The following USP28 variants were observed in gnomAD, a reference collection of about 807,000 sequenced individuals.
USP28 encodes ubiquitin specific peptidase 28, also known as ubiquitin carboxyl-terminal hydrolase 28.
In USP28, 113 loss-of-function variants were observed where a neutral mutation model predicts 145.0. The observed-to-expected ratio is 0.78, with a 90% confidence interval of 0.67 to 0.91. The LOEUF (loss-of-function observed/expected upper bound fraction) is 0.91. Among genes scored for constraint, USP28 ranks in the 40% least tolerant of loss-of-function variants. The pLI is 0.00. For missense variants in USP28, 1,201 were observed against 1,289.6 expected (o/e 0.93, Z 1.05); for synonymous variants, 447 against 450.9 (o/e 0.99, Z 0.11).
intron 11 of USP28, 81 bp downstream of exon 11, chr11:113,827,152 C>A: frequency 6.7e-7 from 1 of 1,492,594 alleles, no homozygotes; most frequent in Non-Finnish European, 9.0e-7. Context: ...CCAGGTGATT[C>A]CTACGCACAC....
chr11:113,831,822 C>A (rs1379937879), intron 8 of USP28, 98 bp downstream of exon 8: 2 of 1,200,410 alleles, frequency 1.7e-6, no homozygotes, highest in Non-Finnish European at 2.4e-6. Context: ...TGGTTAAAAA[C>A]CAGCAATTTC....
chr11:113,829,244 C>T lies in USP28; in HGVS notation c.1012G>A (p.Asp338Asn), dbSNP rs764971745. 19 of 1,614,060 alleles carry T rather than the reference C, an allele frequency of 1.2e-5. No individual in the cohort carries two copies. The highest frequency in any genetic ancestry group is 1.4e-5 in the Non-Finnish European group (17 of 1,180,022). ...TGATCGGAGGGAAGAAGCTCAACAT[C>T]ACCCTCCACCATGGCCCCTTCCAAA... is the stretch of plus-strand genomic sequence containing the variant. The change falls in exon 10 of 25, where the codon GAT (aspartate) becomes AAT (asparagine). Residue 338 changes from aspartate to asparagine, a missense_variant. Physicochemically the swap from Asp to Asn is conservative, Grantham distance 23. Transcript: ENST00000003302.
chr11:113,828,567 G>T (rs1943634438), intron 10 of USP28, among the ~76,000 whole-genome samples: 1 of 152,126 alleles, frequency 6.6e-6, no homozygotes, highest in Non-Finnish European at 1.5e-5. Flanking sequence ...ATAAGCCACA[G>T]TTTTGTCTCA....
intron 7 of USP28, 40 bp downstream of exon 7, chr11:113,833,380 A>T (rs1246267151): frequency 2.5e-6 from 4 of 1,602,880 alleles, no homozygotes; most frequent in Middle Eastern, 1.7e-4. Flanking sequence ...AACACTGACA[A>T]GGCATGACTT....
intron 1 of USP28, among the ~76,000 whole-genome samples, chr11:113,870,821 C>T (rs996241441): frequency 5.9e-5 from 9 of 152,166 alleles, no homozygotes; most frequent in Non-Finnish European, 1.2e-4. Context: ...AGTCTGAATA[C>T]ATTGTCACTG....
intron 1 of USP28, among the ~76,000 whole-genome samples, chr11:113,873,923 A>ACCTTAAGTCGGGAG: frequency 6.6e-6 from 1 of 150,878 alleles, no homozygotes; most frequent in East Asian, 2.0e-4. Context: ...CGGGCGGATC[A>ACCTTAAGTCGGGAG]TGAGGTCAAG....
chr11:113,840,646 A>T (rs1591359157), exon 5 of USP28: 1 of 1,614,196 alleles, frequency 6.2e-7, no homozygotes, highest in East Asian at 2.2e-5. Flanking sequence ...TTTTCAGCCC[A>T]ACTGGCCAAC....
At chr11:113,854,903 T>C (rs1201688673) in intron 1 of USP28, among the ~76,000 whole-genome samples, 2 of 152,240 alleles carry the variant, frequency 1.3e-5, no homozygotes, top group African/African-American at 4.8e-5. Context: ...TAATGGACAC[T>C]TAAAAGTTCT....
chr11:113,832,430 G>A (rs1398009801), intron 7 of USP28, among the ~76,000 whole-genome samples: 1 of 152,094 alleles, frequency 6.6e-6, no homozygotes, highest in African/African-American at 2.4e-5. Flanking sequence ...ATTTTTGGGG[G>A]CTGAATATCA....
chr11:113,860,818 C>CG (rs747037786), intron 1 of USP28, among the ~76,000 whole-genome samples: 77 of 138,772 alleles, frequency 5.5e-4, no homozygotes, highest in Admixed American at 2.6e-3. Context: ...GACTGTGTCT[C>CG]GAAAAAAAAA....
In USP28 at chr11:113,852,180, C is replaced by G. The variant is rs1463184509; in HGVS notation, c.268+321G>C. On this transcript the variant is annotated intron_variant, in intron 3 of 24. Transcript: ENST00000003302. ...AGCAGCTGGGACTACAGGTGCCCAC[C>G]ACCACACCCAGCTAATTTTTTGTAT... 2.0e-5 allele frequency among the ~76,000 whole-genome samples: 3 copies of G among 152,150 alleles called. No homozygotes were observed. The South Asian group carries it at 6.2e-4, about 32-fold the overall frequency.
At position 113,841,760 on chromosome 11, in the gene USP28, C is replaced by CT; in HGVS notation, c.276dup (p.Asp93ArgfsTer5). 6.2e-7 allele frequency: 1 copy of CT among 1,610,098 alleles called. No individual in the cohort carries two copies. The highest frequency in any genetic ancestry group is 8.5e-7 in the Non-Finnish European group (1 of 1,177,686). ...TCATCTTTGTTATCATGAGTAAGGT[C>CT]TATAACTTCTGTAAGATAAACAGAA... On this transcript the variant is annotated frameshift_variant, in exon 4 of 25. Transcript: ENST00000003302. LOFTEE classifies it high-confidence loss of function.
chr11:113,833,581 C>G, intron 6 of USP28, 24 bp from the exon 7 acceptor site: 1 of 1,588,466 alleles, frequency 6.3e-7, no homozygotes, highest in Non-Finnish European at 8.5e-7. Context: ...AGTACATGTA[C>G]TCTTACAATA....
At chr11:113,872,638 A>T (rs1044651931) in intron 1 of USP28, among the ~76,000 whole-genome samples, 5 of 152,330 alleles carry the variant, frequency 3.3e-5, no homozygotes, top group Admixed American at 2.0e-4. Context: ...AAGGGCATTA[A>T]ATTTTCACTG....
chr11:113,821,741 AG>A, intron 12 of USP28: 1 of 197,878 alleles, frequency 5.1e-6, no homozygotes, highest in Non-Finnish European at 1.1e-5. Context: ...GTGTCTTGCT[AG>A]GGGGCTGGTT....
intron 10 of USP28, 49 bp from the exon 11 acceptor site, chr11:113,827,409 A>C: frequency 6.6e-7 from 1 of 1,525,138 alleles, no homozygotes; most frequent in South Asian, 1.3e-5. Context: ...AATTTTAGGA[A>C]ATTACAATAA....
rs909028688 is a variant in USP28 at position 113,799,492 on chromosome 11, C to A, written c.3059-77G>T. 3.4e-6 allele frequency: 5 copies of A among 1,479,300 alleles called. No individual in the cohort carries two copies. In the African/African-American group the frequency reaches 5.7e-5, roughly 17 times the overall value. 91.6% of individuals were successfully genotyped at this position (1,479,300 alleles called of 1,614,324 possible). On this transcript the variant is annotated intron_variant, in intron 24 of 24. Coordinates refer to ENST00000003302, the Ensembl canonical transcript of USP28. ...AAAAGTGAACAAGCCTTCTATTAGC[C>A]CCTTACCTAACCTCAAAGGTCAAAG... is the stretch of plus-strand genomic sequence containing the variant.
At chr11:113,840,307 T>G (rs1313714630) in intron 5 of USP28, among the ~76,000 whole-genome samples, 2 of 148,328 alleles carry the variant, frequency 1.3e-5, no homozygotes, top group East Asian at 4.0e-4. Flanking sequence ...ATAGCTATGA[T>G]AGCCTTCAAC....
At chr11:113,812,332 T>C (rs1386800082) in exon 16 of USP28, 1 of 1,614,038 alleles carries the variant, frequency 6.2e-7, no homozygotes, top group African/African-American at 1.3e-5. Flanking sequence ...AGCACTAACA[T>C]TTCTCAGGCC....
Sources: allele counts gnomAD v4.1 joint callset (sites outside exome capture counted in the v4.1 genomes callset), GRCh38; gene constraint gnomAD v4.1.1; transcripts MANE v1.5; gene names NCBI Gene and HGNC (gene_info 2026-07-23, HGNC 2026-07-21).